The following FRMD5 variants were observed in gnomAD, a reference collection of about 807,000 sequenced individuals.
The protein encoded by FRMD5 is FERM domain containing 5.
A neutral mutation model predicts 69.0 loss-of-function variants in FRMD5; 20 were observed. That is an observed-to-expected ratio of 0.29 (90% CI 0.20 to 0.42). FRMD5 has a LOEUF of 0.42. Among genes scored for constraint, FRMD5 ranks in the 10% least tolerant of loss-of-function variants. The pLI, the probability that FRMD5 is intolerant of heterozygous loss-of-function variation, is 1.00. For missense variants in FRMD5, 595 were observed against 708.6 expected (o/e 0.84, Z 1.82); for synonymous variants, 271 against 260.1 (o/e 1.04, Z -0.40).
chr15:44,101,458 CTATGTA>C (rs2140529349), intron 1 of FRMD5: 1 of 152,762 alleles, frequency 6.5e-6, no homozygotes, highest in African/African-American at 2.4e-5. Flanking sequence ...AACCTACTTA[CTATGTA>C]TTTCTTGTTG....
chr15:44,142,141 G>A (rs1443599527), intron 1 of FRMD5, among the ~76,000 whole-genome samples: 4 of 152,064 alleles, frequency 2.6e-5, no homozygotes, highest in African/African-American at 9.7e-5. Context: ...TGATCAAGAA[G>A]GTTTACATAG....
chr15:44,194,593 C>T lies in FRMD5; in HGVS notation c.102+360G>A, dbSNP rs2078252463. 9.0e-6 allele frequency: 3 copies of T among 335,012 alleles called. No homozygotes were observed. In the Admixed American group the frequency reaches 1.5e-4, roughly 17 times the overall value. 20.8% of individuals were successfully genotyped at this position (335,012 alleles called of 1,614,324 possible). ...AAGCCTGCGCCCCCGACGGGGCGGCCGGGCTAGGAGCCTACCGCCCTACCC... is the reference window on the plus strand; with the variant it reads ...AAGCCTGCGCCCCCGACGGGGCGGCTGGGCTAGGAGCCTACCGCCCTACCC... On this transcript the variant is annotated intron_variant, in intron 1 of 13. Coordinates refer to ENST00000417257, the MANE Select transcript of FRMD5 (RefSeq NM_032892.5).
At chr15:44,006,207 T>G (rs1890438128) in intron 1 of FRMD5, among the ~76,000 whole-genome samples, 1 of 152,232 alleles carries the variant, frequency 6.6e-6, no homozygotes, top group Non-Finnish European at 1.5e-5. Context: ...AAATATATTG[T>G]GCCTGTGCTC....
intron 1 of FRMD5, among the ~76,000 whole-genome samples, chr15:44,110,605 C>G (rs780007213): frequency 6.6e-6 from 1 of 152,210 alleles, no homozygotes; most frequent in Non-Finnish European, 1.5e-5. Context: ...TCCATTACCT[C>G]TCTTAACACA....
At chr15:43,963,012 T>C (rs1017878068) in intron 1 of FRMD5, among the ~76,000 whole-genome samples, 2 of 152,190 alleles carry the variant, frequency 1.3e-5, no homozygotes, top group African/African-American at 4.8e-5. Flanking sequence ...ACTTCATGTC[T>C]AAAACACCAA....
chr15:44,016,729 A>G (rs1890976048), intron 1 of FRMD5, among the ~76,000 whole-genome samples: 1 of 152,070 alleles, frequency 6.6e-6, no homozygotes, highest in African/African-American at 2.4e-5. Context: ...TCTCAAAAAC[A>G]AAACAAAAAA....
At chr15:44,159,251 T>A (rs1056949775) in intron 1 of FRMD5, among the ~76,000 whole-genome samples, 7 of 152,164 alleles carry the variant, frequency 4.6e-5, no homozygotes, top group African/African-American at 1.7e-4. Context: ...TATTTTACCA[T>A]ACACACACGT....
intron 8 of FRMD5, among the ~76,000 whole-genome samples, chr15:43,891,436 G>A (rs970163319): frequency 6.6e-6 from 1 of 152,318 alleles, no homozygotes; most frequent in Middle Eastern, 3.4e-3. Flanking sequence ...AGAGGGATAG[G>A]AGTGAGACAG....
chr15:43,936,474 A>G (rs1295497888), intron 1 of FRMD5, among the ~76,000 whole-genome samples: 1 of 152,182 alleles, frequency 6.6e-6, no homozygotes, highest in Non-Finnish European at 1.5e-5. Context: ...TACAGCCATG[A>G]GCCACCACGC....
chr15:44,185,708 G>C (rs564660558), intron 1 of FRMD5, among the ~76,000 whole-genome samples: 2 of 151,908 alleles, frequency 1.3e-5, no homozygotes, highest in African/African-American at 4.8e-5. Context: ...CGCAAGAATT[G>C]CTTGAACCCA....
chr15:44,037,782 C>G (rs946744878), intron 1 of FRMD5, among the ~76,000 whole-genome samples: 8 of 151,806 alleles, frequency 5.3e-5, no homozygotes, highest in Non-Finnish European at 1.0e-4. Flanking sequence ...CAACATGTGT[C>G]TATAGTAGAA....
At chr15:43,974,120 A>G (rs940705217) in intron 1 of FRMD5, among the ~76,000 whole-genome samples, 1 of 151,816 alleles carries the variant, frequency 6.6e-6, no homozygotes, top group African/African-American at 2.4e-5. Flanking sequence ...TGCTAAGTGG[A>G]ACAGTTGGAA....
At chr15:44,099,196 G>A (rs1440505315) in intron 1 of FRMD5, among the ~76,000 whole-genome samples, 1 of 152,124 alleles carries the variant, frequency 6.6e-6, no homozygotes, top group Non-Finnish European at 1.5e-5. Context: ...GTATGCACAT[G>A]ACCAATAAAA....
chr15:44,019,907 A>T (rs553750021), intron 1 of FRMD5, among the ~76,000 whole-genome samples: 1 of 152,212 alleles, frequency 6.6e-6, no homozygotes, highest in South Asian at 2.1e-4. Context: ...GCAGATATGC[A>T]TCTTTTGAGT....
At chr15:44,030,136 T>C (rs1891614398) in intron 1 of FRMD5, among the ~76,000 whole-genome samples, 1 of 152,132 alleles carries the variant, frequency 6.6e-6, no homozygotes. Context: ...ACAGAATTCC[T>C]GGCATAACTT....
chr15:43,899,124 T>G (rs1335413493), intron 7 of FRMD5, among the ~76,000 whole-genome samples: 1 of 152,228 alleles, frequency 6.6e-6, no homozygotes, highest in Non-Finnish European at 1.5e-5. Context: ...ATCATCAGTA[T>G]TTATTACACC....
At chr15:43,958,546 C>T (rs992289952) in intron 1 of FRMD5, among the ~76,000 whole-genome samples, 5 of 152,176 alleles carry the variant, frequency 3.3e-5, no homozygotes, top group African/African-American at 9.7e-5. Context: ...GATCTGCCCA[C>T]CTCAGCCTCC....
At chr15:43,959,106 G>A (rs2090158579) in intron 1 of FRMD5, among the ~76,000 whole-genome samples, 1 of 152,178 alleles carries the variant, frequency 6.6e-6, no homozygotes, top group Admixed American at 6.5e-5. Context: ...AACCTCTAGT[G>A]AATAATTATT....
At chr15:44,059,640 T>A (rs1893009382) in intron 1 of FRMD5, among the ~76,000 whole-genome samples, 1 of 152,110 alleles carries the variant, frequency 6.6e-6, no homozygotes, top group South Asian at 2.1e-4. Flanking sequence ...GTCTCCTCAG[T>A]AGCTGGGACT....
Sources: gnomAD v4.1 joint callset for allele counts (sites outside exome capture counted in the v4.1 genomes callset) on GRCh38, gnomAD v4.1.1 for gene constraint, MANE v1.5 for transcripts, NCBI Gene and HGNC (gene_info 2026-07-23, HGNC 2026-07-21) for gene names.